TMED8: variants seen among roughly 807,000 people sequenced by gnomAD.
TMED8 encodes transmembrane p24 trafficking protein family member 8.
Under a neutral mutation model 32.7 loss-of-function variants are expected in TMED8, and 15 were observed. The ratio of observed to expected loss-of-function variants is 0.46; its 90% CI spans 0.31 to 0.71. The LOEUF is 0.71. Among genes scored for constraint, TMED8 ranks in the 30% least tolerant of loss-of-function variants. TMED8 has a pLI of 0.06. For missense variants in TMED8, 390 were observed against 423.9 expected, an observed-to-expected ratio of 0.92 and a Z score of 0.70; for synonymous variants, 147 against 161.4, an observed-to-expected ratio of 0.91 and a Z score of 0.68.
Position 77,343,590 on chromosome 14 carries a change from G to T in TMED8, c.454+107C>A, listed in dbSNP as rs1026299652. 123 of 1,574,914 alleles carry T rather than the reference G, an allele frequency of 7.8e-5. No individual in the cohort carries two copies. In the East Asian group the frequency reaches 1.2e-3, roughly 16 times the overall value. The stretch of plus-strand genomic sequence containing the variant: ...AGTCAGACATTCTTTCTACTGGCTT[G>T]ACTTCCTTTCACAAGTCATTTTCTT... On this transcript the variant is annotated intron_variant, in intron 4 of 5. Transcript: ENST00000216468.
At chr14:77,355,198 CTTT>C (rs769300656) in intron 1 of TMED8, among the ~76,000 whole-genome samples, 1 of 138,830 alleles carries the variant, frequency 7.2e-6, no homozygotes, top group Admixed American at 7.3e-5. Context: ...GCACTAAACA[CTTT>C]TTTTTTTTTT....
intron 1 of TMED8, among the ~76,000 whole-genome samples, chr14:77,357,181 G>C (rs985993732): frequency 1.3e-5 from 2 of 152,022 alleles, no homozygotes; most frequent in Non-Finnish European, 2.9e-5. Context: ...ACTCAATTCA[G>C]GTTCAGTTTT....
Position 77,349,866 on chromosome 14 carries a change from G to A in TMED8, c.197+1807C>T, listed in dbSNP as rs75329185. ...ATATCTTAAAAGTGCCGTGGGCCTG[G>A]ATTGACATCAACTCTTTCCACGAGA... On this transcript the variant is annotated intron_variant, in intron 2 of 5. Transcript: ENST00000216468. Among the ~76,000 whole-genome samples the A allele has an allele frequency of 8.7e-3, 1,331 of 152,306 alleles. 11 individuals are homozygous for A. The highest frequency in any genetic ancestry group is 0.013 in the Non-Finnish European group (870 of 68,022).
intron 1 of TMED8, among the ~76,000 whole-genome samples, chr14:77,356,149 C>T (rs1360998617): frequency 6.6e-6 from 1 of 152,130 alleles, no homozygotes; most frequent in East Asian, 1.9e-4. Context: ...TAACAATGAG[C>T]TCTTTTTTTC....
chr14:77,377,047 CAG>C lies in TMED8; in HGVS notation c.5_6del (p.Ser2Ter). The stretch of plus-strand genomic sequence containing the variant: ...CCCGGCCCCTCAGCCGCCTGCAGGT[CAG>C]ACATCTGCAGCCCGCGCACGGAGCT... M[S>X]DLQAAEGPGS... On this transcript the variant is annotated frameshift_variant, in exon 1 of 6. Transcript: ENST00000216468. LOFTEE classifies it high-confidence loss of function. The C allele has an allele frequency of 7.3e-7, 1 of 1,364,868 alleles. No individual in the cohort carries two copies. Among genetic ancestry groups the C allele is most frequent in the Non-Finnish European group, 9.4e-7 (1 of 1,065,674 alleles). The allele number at this position is 1,364,868 out of a possible 1,614,324, so 84.5% of individuals were successfully genotyped here.
chr14:77,343,486 G>A lies in TMED8; in HGVS notation c.455-3C>T, dbSNP rs542145178. The A allele has an allele frequency of 6.2e-6, 10 of 1,613,018 alleles. No homozygotes were observed. The South Asian group carries it at 7.7e-5, about 12-fold the overall frequency. ...AGGAGCCATCAGAGGTGGGGAGACT[G>A]AAAGGACAAGCAGCTTAGCACTGAG... On this transcript the variant is annotated splice_region_variant and splice_polypyrimidine_tract_variant and intron_variant, in intron 4 of 5. Transcript: ENST00000216468.
rs190327764 is a variant in TMED8, at chr14:77,376,103, A to G, written c.118+833T>C. ...CTACCCTTTCGTATTTCAAAAGAGC[A>G]TCCTTTCAGTTGCATCGTGTGTGGT... On this transcript the variant is annotated intron_variant, in intron 1 of 5. Transcript: ENST00000216468. This position sits in a 1 kb window ranked among gnomAD's most constrained non-coding sequence, Gnocchi z 4.0. Among the ~76,000 whole-genome samples, 5 of 152,330 alleles carry G rather than the reference A, an allele frequency of 3.3e-5. No homozygotes were observed. The highest frequency in any genetic ancestry group is 3.3e-4 in the Admixed American group (5 of 15,298).
chr14:77,336,731 A>G lies in TMED8; in HGVS notation c.*5040T>C, dbSNP rs1009303225. The G allele has an allele frequency of 1.3e-5, 2 of 151,908 alleles. No individual in the cohort carries two copies. Among genetic ancestry groups the G allele is most frequent in the African/African-American group, 4.8e-5 (2 of 41,326 alleles). The allele number at this position is 151,908 out of a possible 1,614,324, so 9.4% of individuals were successfully genotyped here. On this transcript the variant is annotated 3_prime_UTR_variant, in exon 6 of 6. Coordinates refer to ENST00000216468, the MANE Select transcript of TMED8 (RefSeq NM_213601.3). ...CAAGCAGCACAAAACGGTGTAACTT[A>G]TGCCCCTCCCTTATGCTCCACTAAA... is the stretch of plus-strand genomic sequence containing the variant.
intron 1 of TMED8, among the ~76,000 whole-genome samples, chr14:77,372,697 A>G (rs1893699145): frequency 1.3e-5 from 2 of 151,738 alleles, no homozygotes; most frequent in African/African-American, 2.4e-5. Context: ...TATCTGACTA[A>G]TCGACTATCT....
At position 77,376,935 on chromosome 14, in the gene TMED8, C is replaced by A; in HGVS notation, c.118+1G>T. 1 of 1,449,730 alleles carries A rather than the reference C, an allele frequency of 6.9e-7. No individual in the cohort carries two copies. Among genetic ancestry groups the A allele is most frequent in the East Asian group, 3.0e-5 (1 of 32,950 alleles). The allele number at this position is 1,449,730 out of a possible 1,614,324, so 89.8% of individuals were successfully genotyped here. A position where few individuals can be genotyped will look rare whatever the true frequency, so the allele number is the denominator to read the frequency against. On this transcript the variant is annotated splice_donor_variant, in intron 1 of 5. Coordinates refer to ENST00000216468, the MANE Select transcript of TMED8 (RefSeq NM_213601.3). LOFTEE classifies it high-confidence loss of function. The surrounding 1 kb of genome is among the most constrained non-coding windows in gnomAD (Gnocchi z 4.0). Reference sequence around the variant, plus strand: ...CCCGCCAGCGCCCCGGCCTTGCGTACCTGAGGCGGCCGCCTGGCTCCCCTC... The same window carrying A: ...CCCGCCAGCGCCCCGGCCTTGCGTAACTGAGGCGGCCGCCTGGCTCCCCTC...
intron 1 of TMED8, among the ~76,000 whole-genome samples, chr14:77,372,944 ATATATATATTTTTTTTTT>A (rs1893723495): frequency 8.6e-5 from 2 of 23,196 alleles, no homozygotes; most frequent in East Asian, 8.1e-4. Context: ...ATATATATAT[ATATATATATTTTTTTTTT>A]TTTTTTTTTT....
chr14:77,346,519 A>G, intron 2 of TMED8, 41 bp from the exon 3 acceptor site: 1 of 1,611,694 alleles, frequency 6.2e-7, no homozygotes, highest in Non-Finnish European at 8.5e-7. Flanking sequence ...GGACTCTTTG[A>G]AAAGACTCAA....
At chr14:77,349,387 G>A (rs1893129065) in intron 2 of TMED8, among the ~76,000 whole-genome samples, 1 of 151,970 alleles carries the variant, frequency 6.6e-6, no homozygotes, top group East Asian at 1.9e-4. Context: ...CAAAGTGCTG[G>A]GATTACAGGC....
chr14:77,358,736 G>A (rs1376327773), intron 1 of TMED8, among the ~76,000 whole-genome samples: 2 of 151,962 alleles, frequency 1.3e-5, no homozygotes, highest in Non-Finnish European at 1.5e-5. Flanking sequence ...AGTTTTAAAC[G>A]AATAACAGTA....
At position 77,341,681 on chromosome 14, in the gene TMED8, C is replaced by T. The variant is rs1892902447; in HGVS notation, c.*90G>A. 1.5e-6 allele frequency: 2 copies of T among 1,315,754 alleles called. No individual in the cohort carries two copies. Among genetic ancestry groups the T allele is most frequent in the Non-Finnish European group, 2.2e-6 (2 of 923,038 alleles). The allele number at this position is 1,315,754 out of a possible 1,614,324, so 81.5% of individuals were successfully genotyped here. A position where few individuals can be genotyped will look rare whatever the true frequency, so the allele number is the denominator to read the frequency against. The stretch of plus-strand genomic sequence containing the variant: ...GTGAGGCTCAGCAGCCCCCCATGAA[C>T]CTTTGGCTCTTGCCTATCCCAAACA... On this transcript the variant is annotated 3_prime_UTR_variant, in exon 6 of 6. Transcript: ENST00000216468.
chr14:77,364,402 T>A (rs1274550704), intron 1 of TMED8, among the ~76,000 whole-genome samples: 1 of 152,064 alleles, frequency 6.6e-6, no homozygotes, highest in Non-Finnish European at 1.5e-5. Context: ...CATCACCACA[T>A]CTGGCTAATT....
intron 1 of TMED8, among the ~76,000 whole-genome samples, chr14:77,370,742 A>AGTTTGT (rs777590419): frequency 1.3e-5 from 2 of 150,006 alleles, no homozygotes; most frequent in Non-Finnish European, 3.0e-5. Flanking sequence ...TATAAAAAAA[A>AGTTTGT]GTGTGTGTGT....
intron 2 of TMED8, among the ~76,000 whole-genome samples, chr14:77,350,617 T>C (rs72681264): frequency 0.018 from 2,724 of 152,304 alleles, 47 homozygotes; most frequent in Middle Eastern, 0.078. Flanking sequence ...TCTTTGTGCA[T>C]GCTACTCTGA....
At position 77,343,315 on chromosome 14, in the gene TMED8, A is replaced by G. The variant is rs1356923573; in HGVS notation, c.623T>C (p.Phe208Ser). Residue 208 changes from phenylalanine (F) to serine (S), a missense_variant, in exon 5 of 6, where the codon TTT becomes TCT. Physicochemically the swap from Phe to Ser is radical, Grantham distance 155. Transcript: ENST00000216468. ...GCCAATGTCATAGTCATCGGTCGCA[A>G]ACTCCCAGCAGACACGCTTCCCCTC... ...HPEGKRVCWEFATDDYDIGFG... is the reference protein window; with the variant it reads ...HPEGKRVCWESATDDYDIGFG... 2 of 1,614,060 alleles carry G rather than the reference A, an allele frequency of 1.2e-6. No individual in the cohort carries two copies. The highest frequency in any genetic ancestry group is 8.5e-7 in the Non-Finnish European group (1 of 1,180,042).
Sources: gnomAD v4.1 joint callset for allele counts (sites outside exome capture counted in the v4.1 genomes callset) on GRCh38, gnomAD v4.1.1 for gene constraint, Gnocchi (gnomAD v3.1) non-coding constraint, MANE v1.5 for transcripts, NCBI Gene and HGNC (gene_info 2026-07-23, HGNC 2026-07-21) for gene names.